RNF145: variants seen among roughly 807,000 people sequenced by gnomAD.
The protein encoded by RNF145 is ring finger protein 145.
RNF145 carries 12 observed loss-of-function variants against 57.3 expected under a neutral mutation model. The observed-to-expected ratio is 0.21, with a 90% CI of 0.13 to 0.34. The LOEUF (loss-of-function observed/expected upper bound fraction) is 0.34. Ranked by LOEUF, RNF145 falls within the 10% of genes least tolerant of loss-of-function variation. RNF145 has a pLI of 1.00. For synonymous variants in RNF145, 262 were observed against 288.3 expected (o/e 0.91, Z 0.92); for missense variants, 429 against 799.0 (o/e 0.54, Z 5.58).
chr5:159,178,619 T>G (rs34381272), intron 4 of RNF145, among the ~76,000 whole-genome samples: 21,397 of 152,060 alleles, frequency 0.14, 1,667 homozygotes, highest in Non-Finnish European at 0.19. Context: ...ATGTTGAATA[T>G]TCCTAATCCA....
chr5:159,201,126 T>C (rs1480097364), intron 2 of RNF145, among the ~76,000 whole-genome samples: 2 of 152,198 alleles, frequency 1.3e-5, no homozygotes, highest in Non-Finnish European at 1.5e-5. Context: ...TACATGTAGA[T>C]TTTTTACAAC....
At chr5:159,168,804 AT>A (rs1212094232) in intron 8 of RNF145, 68 bp downstream of exon 8, 53 of 1,021,234 alleles carry the variant, frequency 5.2e-5, no homozygotes, top group Admixed American at 5.9e-5. Context: ...TTCCCTAAAT[AT>A]TTAGACAACA....
rs1234471776 is a variant in RNF145, at chr5:159,157,495, C to T, written c.*1175G>A. 6.5e-6 allele frequency: 1 copy of T among 152,742 alleles called. No homozygotes were observed. The highest frequency in any genetic ancestry group is 1.5e-5 in the Non-Finnish European group (1 of 68,032). The allele number at this position is 152,742 out of a possible 1,614,324, so 9.5% of individuals were successfully genotyped here. A position where few individuals can be genotyped will look rare whatever the true frequency, so the allele number is the denominator to read the frequency against. On this transcript the variant is annotated 3_prime_UTR_variant, in exon 11 of 11. Coordinates refer to ENST00000424310, the MANE Select transcript of RNF145 (RefSeq NM_001199383.2). ...TGCTACTAAAAATAAAATAAAGTCA[C>T]ATCCCACATTAGGAATACCGAGGTC...
chr5:159,190,063 A>T (rs1337533018), intron 3 of RNF145, among the ~76,000 whole-genome samples: 1 of 152,200 alleles, frequency 6.6e-6, no homozygotes, highest in Non-Finnish European at 1.5e-5. Context: ...TTGTTCTGTC[A>T]AACAGGGTCT....
rs1388017075 is a variant in RNF145 at position 159,203,623 on chromosome 5, T to TG, written c.-7_-6insC. The TG allele has an allele frequency of 1.3e-6, 2 of 1,592,942 alleles. No individual in the cohort carries two copies. Among genetic ancestry groups the TG allele is most frequent in the African/African-American group, 2.7e-5 (2 of 72,982 alleles). On this transcript the variant is annotated 5_prime_UTR_variant, in exon 2 of 11. Transcript: ENST00000424310. ...AGTTTCTCCTTTGCAGCCATGTTGT[T>TG]TTTTTTTTTCTTTTTTTTTTTCTTG...
Position 159,163,091 on chromosome 5 carries a change from C to T in RNF145, c.1122-12G>A. ...GTTTCCACAAGCTCCTGGAGAAAGACAAAATTATTCTTTTTAAGTGCCTGC... is the reference window on the plus strand; with the variant it reads ...GTTTCCACAAGCTCCTGGAGAAAGATAAAATTATTCTTTTTAAGTGCCTGC... On this transcript the variant is annotated splice_polypyrimidine_tract_variant and intron_variant, in intron 8 of 10. Coordinates refer to ENST00000424310, the MANE Select transcript of RNF145 (RefSeq NM_001199383.2). 1 of 1,583,106 alleles carries T rather than the reference C, an allele frequency of 6.3e-7. No individual in the cohort carries two copies. The highest frequency in any genetic ancestry group is 8.5e-7 in the Non-Finnish European group (1 of 1,170,980).
In RNF145 at chr5:159,161,496, C is replaced by G; in HGVS notation, c.1396G>C (p.Ala466Pro). ...ACGCCATAGGCCACCACACAGAGGGCCACAAGAAACTCCAGCAGGCGGTAA... is the reference window on the plus strand; with the variant it reads ...ACGCCATAGGCCACCACACAGAGGGGCACAAGAAACTCCAGCAGGCGGTAA... Reference protein sequence around the residue: ...GTYRLLEFLVALCVVAYGVSE... With the variant: ...GTYRLLEFLVPLCVVAYGVSE... Residue 466 changes from alanine (A) to proline (P), a missense_variant, in exon 10 of 11, where the codon GCC (alanine) becomes CCC (proline). Ala to Pro is a conservative substitution (Grantham distance 27, BLOSUM62 -1). Transcript: ENST00000424310. 6.2e-7 allele frequency: 1 copy of G among 1,614,052 alleles called. No homozygotes were observed. The highest frequency in any genetic ancestry group is 8.5e-7 in the Non-Finnish European group (1 of 1,179,992).
Position 159,189,514 on chromosome 5 carries a change from A to G in RNF145, c.293+5202T>C, listed in dbSNP as rs1785211246. Among the ~76,000 whole-genome samples, 4 of 152,228 alleles carry G rather than the reference A, an allele frequency of 2.6e-5. No homozygotes were observed. The South Asian group carries it at 8.3e-4, about 31-fold the overall frequency. On this transcript the variant is annotated intron_variant, in intron 3 of 10. Transcript: ENST00000424310. The stretch of plus-strand genomic sequence containing the variant: ...TACACCGCTGGTAGAAATATGAAAC[A>G]CTGCAGCCATTTTAACAGTCTGGCA...
intron 1 of RNF145, among the ~76,000 whole-genome samples, chr5:159,204,001 T>C (rs1390139853): frequency 6.6e-6 from 1 of 152,228 alleles, no homozygotes; most frequent in Non-Finnish European, 1.5e-5. Context: ...CTCACTCCAA[T>C]AAAACTATGA....
At chr5:159,168,164 T>C (rs1238042324) in intron 8 of RNF145, among the ~76,000 whole-genome samples, 1 of 152,192 alleles carries the variant, frequency 6.6e-6, no homozygotes, top group African/African-American at 2.4e-5. Context: ...AATTTCTGGA[T>C]ACCTCAATTA....
At chr5:159,180,705 T>C (rs1484351188) in intron 4 of RNF145, among the ~76,000 whole-genome samples, 1 of 152,128 alleles carries the variant, frequency 6.6e-6, no homozygotes, top group Non-Finnish European at 1.5e-5. Flanking sequence ...AACATCATCA[T>C]ATAGACATTC....
chr5:159,204,912 G>T (rs1785820375), intron 1 of RNF145, among the ~76,000 whole-genome samples: 2 of 150,360 alleles, frequency 1.3e-5, no homozygotes, highest in South Asian at 2.1e-4. Context: ...TAAGAATTTT[G>T]CTGAGAAAGC....
At chr5:159,164,525 T>C (rs1460436612) in intron 8 of RNF145, among the ~76,000 whole-genome samples, 1 of 152,194 alleles carries the variant, frequency 6.6e-6, no homozygotes, top group Non-Finnish European at 1.5e-5. Context: ...TCAAGAGTTT[T>C]ACATTTATGC....
intron 8 of RNF145, among the ~76,000 whole-genome samples, chr5:159,165,734 T>A (rs73305783): frequency 0.77 from 11,505 of 14,976 alleles, 4,891 homozygotes; most frequent in East Asian, 0.91. Flanking sequence ...AAAAAAAAAA[T>A]AATAATATCC....
intron 2 of RNF145, among the ~76,000 whole-genome samples, chr5:159,202,705 C>T (rs535440959): frequency 2.0e-5 from 3 of 152,124 alleles, no homozygotes; most frequent in Non-Finnish European, 4.4e-5. Context: ...GTCTGGAACT[C>T]TGCAATCACA....
chr5:159,209,986 C>G, upstream of RNF145: 1 of 1,313,528 alleles, frequency 7.6e-7, no homozygotes, highest in Non-Finnish European at 1.1e-6. Flanking sequence ...TCTGGGATGG[C>G]TCAGCCGTGC....
intron 2 of RNF145, among the ~76,000 whole-genome samples, chr5:159,201,036 G>A (rs556362327): frequency 6.6e-6 from 1 of 152,138 alleles, no homozygotes; most frequent in Non-Finnish European, 1.5e-5. Context: ...AAAACCCTAT[G>A]GAAAGTACTA....
chr5:159,179,607 G>A (rs1784821274), intron 4 of RNF145, among the ~76,000 whole-genome samples: 1 of 152,064 alleles, frequency 6.6e-6, no homozygotes, highest in African/African-American at 2.4e-5. Context: ...GATAAGAAGA[G>A]TTTTAAGAAA....
intron 6 of RNF145, among the ~76,000 whole-genome samples, chr5:159,173,449 G>C (rs7443845): frequency 0.76 from 115,891 of 152,098 alleles, 45,095 homozygotes; most frequent in African/African-American, 0.93. Flanking sequence ...GCAAAGTATA[G>C]AGAGTAAGTC....
Sources: gnomAD v4.1 joint callset for allele counts (sites outside exome capture counted in the v4.1 genomes callset) on GRCh38, gnomAD v4.1.1 for gene constraint, MANE v1.5 for transcripts, NCBI Gene and HGNC (gene_info 2026-07-23, HGNC 2026-07-21) for gene names.